PARD3B: variants seen among roughly 807,000 people sequenced by gnomAD.
PARD3B encodes the protein partitioning defective 3 homolog B.
In PARD3B, 103 loss-of-function variants were observed where a neutral mutation model predicts 130.2. That is an observed-to-expected ratio of 0.79 (90% CI 0.67 to 0.93). The LOEUF is 0.93. Ranked by LOEUF, PARD3B falls within the 40% of genes least tolerant of loss-of-function variation. PARD3B has a pLI of 0.00. For synonymous variants in PARD3B, 583 were observed against 553.2 expected, an observed-to-expected ratio of 1.05 and a Z score of -0.76; for missense variants, 1,609 against 1,499.2, an observed-to-expected ratio of 1.07 and a Z score of -1.21.
At position 204,846,657 on chromosome 2, in the gene PARD3B, AG is replaced by A. The variant is rs1203165591; in HGVS notation, c.223-118494del. Among the ~76,000 whole-genome samples, 2 of 150,352 alleles carry A rather than the reference AG, an allele frequency of 1.3e-5. 1 individual carries two copies. The highest frequency in any genetic ancestry group is 1.3e-4 in the Admixed American group (2 of 14,948). On this transcript the variant is annotated intron_variant, in intron 2 of 22. Coordinates refer to ENST00000406610, the MANE Select transcript of PARD3B (RefSeq NM_001302769.2). The stretch of plus-strand genomic sequence containing the variant: ...CTCTTTCCCCAGCTATGTGTGTACA[AG>A]TACAAACAAGGTCCAGTGAGCACAC...
At chr2:204,812,877 G>T (rs868146698) in intron 2 of PARD3B, among the ~76,000 whole-genome samples, 3 of 152,018 alleles carry the variant, frequency 2.0e-5, no homozygotes, top group South Asian at 2.1e-4. Flanking sequence ...TGACCATCCC[G>T]TGATGGTCAC....
intron 2 of PARD3B, among the ~76,000 whole-genome samples, chr2:204,806,457 C>T (rs1344434093): frequency 3.9e-5 from 6 of 152,004 alleles, no homozygotes; most frequent in Non-Finnish European, 8.8e-5. Flanking sequence ...GAAACTAGAC[C>T]CCTCTCTCTT....
chr2:205,270,566 CA>C (rs61225019), intron 16 of PARD3B, among the ~76,000 whole-genome samples: 8 of 138,036 alleles, frequency 5.8e-5, no homozygotes, highest in South Asian at 2.3e-4. Flanking sequence ...GACTCCATCT[CA>C]AAAAAAAAAC....
intron 20 of PARD3B, among the ~76,000 whole-genome samples, chr2:205,481,340 TG>T (rs919237185): frequency 6.6e-5 from 10 of 152,176 alleles, no homozygotes; most frequent in African/African-American, 1.9e-4. Context: ...AGCAGGAGGC[TG>T]GGGTGGTGTC....
chr2:205,528,544 T>G (rs1200655191), intron 21 of PARD3B, among the ~76,000 whole-genome samples: 1 of 151,436 alleles, frequency 6.6e-6, no homozygotes, highest in African/African-American at 2.4e-5. Context: ...CAGGCTGGAG[T>G]GCAGTGGCAC....
In PARD3B at chr2:205,568,966, T is replaced by C. The variant is rs1003748648; in HGVS notation, c.3260+15563T>C. Among the ~76,000 whole-genome samples, 1 of 152,188 alleles carries C rather than the reference T, an allele frequency of 6.6e-6. No homozygotes were observed. Among genetic ancestry groups the C allele is most frequent in the African/African-American group, 2.4e-5 (1 of 41,432 alleles). On this transcript the variant is annotated intron_variant, in intron 22 of 22. Coordinates refer to ENST00000406610, the MANE Select transcript of PARD3B (RefSeq NM_001302769.2). This position sits in a 1 kb window ranked among gnomAD's most constrained non-coding sequence, Gnocchi z 5.3. ...ATTACCAGGTCAAAGAATGTGAATA[T>C]TTTTAAAGTTTCTGATGTATATTGC...
intron 21 of PARD3B, among the ~76,000 whole-genome samples, chr2:205,524,303 C>A (rs539673639): frequency 6.6e-6 from 1 of 152,208 alleles, no homozygotes; most frequent in South Asian, 2.1e-4. Flanking sequence ...ATTCTCATCA[C>A]CTTACATCTG....
At chr2:205,180,337 T>A (rs915192189) in intron 13 of PARD3B, among the ~76,000 whole-genome samples, 1 of 151,980 alleles carries the variant, frequency 6.6e-6, no homozygotes, top group Non-Finnish European at 1.5e-5. Flanking sequence ...TATATAAACA[T>A]GATGCTATAA....
chr2:204,738,893 C>T (rs906075274), intron 2 of PARD3B, among the ~76,000 whole-genome samples: 1 of 152,136 alleles, frequency 6.6e-6, no homozygotes, highest in Non-Finnish European at 1.5e-5. Context: ...TAAATAGTCT[C>T]TCTGGTTTAA....
At chr2:205,257,540 G>T (rs973623019) in intron 16 of PARD3B, among the ~76,000 whole-genome samples, 2 of 152,022 alleles carry the variant, frequency 1.3e-5, no homozygotes, top group Non-Finnish European at 2.9e-5. Flanking sequence ...TAGTAGTCTG[G>T]TGGCCCATAC....
In PARD3B at chr2:205,341,954, A is replaced by G. The variant is rs147040919; in HGVS notation, c.2630+40253A>G. 2.0e-5 allele frequency among the ~76,000 whole-genome samples: 3 copies of G among 152,276 alleles called. No homozygotes were observed. The East Asian group carries it at 5.8e-4, about 29-fold the overall frequency. Reference sequence around the variant, plus strand: ...TATAATCTTATGGGACCACTGTCATATATGTATGTGGTCCCTAGTTAATCA... The same window carrying G: ...TATAATCTTATGGGACCACTGTCATGTATGTATGTGGTCCCTAGTTAATCA... On this transcript the variant is annotated intron_variant, in intron 18 of 22. Transcript: ENST00000406610. The surrounding 1 kb of genome is among the most constrained non-coding windows in gnomAD (Gnocchi z 4.3).
chr2:205,348,287 T>A (rs2043867900), intron 18 of PARD3B: 1 of 152,252 alleles, frequency 6.6e-6, no homozygotes, highest in African/African-American at 2.4e-5. Flanking sequence ...CTTAGAACAT[T>A]TTCCTTATTA....
chr2:204,920,678 A>G lies in PARD3B; in HGVS notation c.223-44474A>G, dbSNP rs145424017. ...TATTGCAGAGCATTTTATTTACTCA[A>G]CCAGATTGACAAGATTATAACTGGG... is the stretch of plus-strand genomic sequence containing the variant. On this transcript the variant is annotated intron_variant, in intron 2 of 22. Coordinates refer to ENST00000406610, the MANE Select transcript of PARD3B (RefSeq NM_001302769.2). Among the ~76,000 whole-genome samples, 785 of 152,236 alleles carry G rather than the reference A, an allele frequency of 5.2e-3. 9 individuals carry two copies. Among genetic ancestry groups the G allele is most frequent in the African/African-American group, 0.017 (710 of 41,534 alleles).
chr2:205,380,041 C>A (rs1429829262), intron 18 of PARD3B, among the ~76,000 whole-genome samples: 6 of 139,136 alleles, frequency 4.3e-5, no homozygotes, highest in Non-Finnish European at 7.6e-5. Flanking sequence ...GCACTCCAGC[C>A]TGGGCGACAG....
At chr2:205,058,570 G>A (rs1319504867) in intron 4 of PARD3B, among the ~76,000 whole-genome samples, 2 of 152,094 alleles carry the variant, frequency 1.3e-5, no homozygotes, top group South Asian at 2.1e-4. Flanking sequence ...TTGCACAAGA[G>A]TTCCAGTTTC....
intron 22 of PARD3B, among the ~76,000 whole-genome samples, chr2:205,609,931 T>G (rs2055171130): frequency 6.6e-6 from 1 of 152,242 alleles, no homozygotes; most frequent in Non-Finnish European, 1.5e-5. Flanking sequence ...GTAGAGGAAG[T>G]GTGCTCAGTT....
intron 19 of PARD3B, among the ~76,000 whole-genome samples, chr2:205,438,919 T>C (rs2047614687): frequency 6.6e-6 from 1 of 152,124 alleles, no homozygotes. Context: ...TTTGTTTTGG[T>C]TTTGGTTTTG....
intron 19 of PARD3B, among the ~76,000 whole-genome samples, chr2:205,413,711 C>T (rs1358556828): frequency 6.6e-6 from 1 of 152,114 alleles, no homozygotes; most frequent in African/African-American, 2.4e-5. Context: ...ACTATCAACA[C>T]TTGTTTCCCT....
At chr2:205,009,208 T>G (rs762970312) in intron 3 of PARD3B, among the ~76,000 whole-genome samples, 41 of 152,218 alleles carry the variant, frequency 2.7e-4, no homozygotes, top group Non-Finnish European at 1.0e-4. Flanking sequence ...ATTGGTATCA[T>G]CTAAATATTT....
Sources: allele counts gnomAD v4.1 joint callset (sites outside exome capture counted in the v4.1 genomes callset), GRCh38; gene constraint gnomAD v4.1.1; non-coding constraint Gnocchi (gnomAD v3.1); transcripts MANE v1.5; gene names NCBI Gene and HGNC (gene_info 2026-07-23, HGNC 2026-07-21).